The following LRMDA variants were observed in gnomAD, a reference collection of about 807,000 sequenced individuals.
LRMDA encodes the protein leucine-rich melanocyte differentiation-associated protein.
A neutral mutation model predicts 29.8 loss-of-function variants in LRMDA; 18 were observed. That is an observed-to-expected ratio of 0.60 (90% CI 0.42 to 0.90). The LOEUF (loss-of-function observed/expected upper bound fraction) is 0.90. LRMDA is among the 40% of genes least tolerant of loss of function. The probability of loss-of-function intolerance (pLI) is 0.00; values close to 1 mark genes in which losing one functional copy is unlikely to be tolerated. For missense variants in LRMDA, 273 were observed against 273.9 expected, an observed-to-expected ratio of 1.00 and a Z score of 0.02; for synonymous variants, 125 against 109.4, an observed-to-expected ratio of 1.14 and a Z score of -0.89.
At chr10:76,345,134 T>A (rs1170261548) in intron 6 of LRMDA, among the ~76,000 whole-genome samples, 2 of 137,904 alleles carry the variant, frequency 1.5e-5, no homozygotes, top group Non-Finnish European at 3.1e-5. Flanking sequence ...TGGCGCGATC[T>A]CGGCTCGCTG....
chr10:75,479,158 T>C (rs1187672713), intron 2 of LRMDA, among the ~76,000 whole-genome samples: 1 of 151,912 alleles, frequency 6.6e-6, no homozygotes, highest in Non-Finnish European at 1.5e-5. Flanking sequence ...TGCGGCCAAG[T>C]GTATAGTGAG....
intron 6 of LRMDA, among the ~76,000 whole-genome samples, chr10:76,542,189 A>G (rs1417512863): frequency 6.6e-6 from 1 of 152,158 alleles, no homozygotes; most frequent in Non-Finnish European, 1.5e-5. Context: ...CTGGGCTTTT[A>G]GGTGCTGCGG....
chr10:75,740,865 G>A (rs1465882048), intron 2 of LRMDA, among the ~76,000 whole-genome samples: 2 of 152,068 alleles, frequency 1.3e-5, no homozygotes, highest in Non-Finnish European at 2.9e-5. Flanking sequence ...CATAGTAAGA[G>A]TATATTGCAT....
intron 6 of LRMDA, among the ~76,000 whole-genome samples, chr10:76,485,072 T>G (rs897386163): frequency 6.6e-6 from 1 of 151,888 alleles, no homozygotes; most frequent in African/African-American, 2.4e-5. Flanking sequence ...TTGGGTCTTG[T>G]TTTTTATCTG....
Position 76,221,236 on chromosome 10 carries a change from A to T in LRMDA, c.517-103165A>T, listed in dbSNP as rs1208758519. 2.0e-5 allele frequency among the ~76,000 whole-genome samples: 3 copies of T among 151,864 alleles called. No homozygotes were observed. In the East Asian group the frequency reaches 5.8e-4, roughly 29 times the overall value. On this transcript the variant is annotated intron_variant, in intron 5 of 6. Coordinates refer to ENST00000611255, the MANE Select transcript of LRMDA (RefSeq NM_001305581.2). ...CAAGACAGGGATGCCCTCTCTCACC[A>T]CTCCTATTCAACATAGTGTTGGAAG... is the stretch of plus-strand genomic sequence containing the variant.
chr10:76,034,687 C>CA (rs1171461032), intron 2 of LRMDA, among the ~76,000 whole-genome samples: 2 of 152,214 alleles, frequency 1.3e-5, no homozygotes, highest in African/African-American at 4.8e-5. Context: ...AGTTCACACT[C>CA]ACAGCAGATG....
intron 5 of LRMDA, among the ~76,000 whole-genome samples, chr10:76,211,569 A>AT (rs1851634587): frequency 6.6e-6 from 1 of 152,174 alleles, no homozygotes; most frequent in Non-Finnish European, 1.5e-5. Flanking sequence ...TGTACTTTAG[A>AT]TTTTTTACTT....
intron 6 of LRMDA, among the ~76,000 whole-genome samples, chr10:76,442,808 G>A (rs758522091): frequency 5.3e-5 from 8 of 152,094 alleles, no homozygotes; most frequent in South Asian, 2.1e-4. Context: ...GAGCTTCTGC[G>A]ACAAGTCTTA....
intron 6 of LRMDA, among the ~76,000 whole-genome samples, chr10:76,456,653 TA>T (rs759893190): frequency 0.025 from 3,219 of 127,360 alleles, 86 homozygotes; most frequent in African/African-American, 0.074. Context: ...GCACTCTTAT[TA>T]AAAAAAAAAA....
intron 2 of LRMDA, among the ~76,000 whole-genome samples, chr10:75,665,267 GA>G (rs759488030): frequency 7.9e-5 from 12 of 152,288 alleles, no homozygotes; most frequent in Non-Finnish European, 1.6e-4. Context: ...TACAGATGAG[GA>G]AACTGAAGCC....
chr10:75,690,628 T>C (rs527671154), intron 2 of LRMDA, among the ~76,000 whole-genome samples: 1 of 152,232 alleles, frequency 6.6e-6, no homozygotes, highest in Non-Finnish European at 1.5e-5. Context: ...GTCTCCTAAC[T>C]TTCAGTGTTT....
At chr10:75,587,406 A>G (rs1315770207) in intron 2 of LRMDA, among the ~76,000 whole-genome samples, 1 of 152,198 alleles carries the variant, frequency 6.6e-6, no homozygotes, top group Non-Finnish European at 1.5e-5. Context: ...CTTAAAAGAA[A>G]TAATATGCTG....
At chr10:76,258,232 A>G (rs1212558230) in intron 5 of LRMDA, among the ~76,000 whole-genome samples, 2 of 152,248 alleles carry the variant, frequency 1.3e-5, no homozygotes, top group East Asian at 3.9e-4. Context: ...CAGGTATTCA[A>G]GTAACATTGG....
intron 2 of LRMDA, among the ~76,000 whole-genome samples, chr10:75,527,725 T>C (rs887702869): frequency 7.5e-5 from 11 of 147,294 alleles, no homozygotes; most frequent in South Asian, 2.1e-4. Flanking sequence ...ATTAATATAA[T>C]TATATAATAA....
At chr10:76,520,209 A>G (rs1402712330) in intron 6 of LRMDA, among the ~76,000 whole-genome samples, 9 of 151,764 alleles carry the variant, frequency 5.9e-5, no homozygotes, top group African/African-American at 2.2e-4. Context: ...AGTATATATT[A>G]TTTTGTGATA....
intron 5 of LRMDA, among the ~76,000 whole-genome samples, chr10:76,227,975 C>T (rs1169065299): frequency 6.6e-6 from 1 of 151,684 alleles, no homozygotes; most frequent in African/African-American, 2.4e-5. Context: ...CAGAGTTCAA[C>T]CAGTGGGGAC....
intron 6 of LRMDA, among the ~76,000 whole-genome samples, chr10:76,489,409 T>C (rs531664537): frequency 3.9e-5 from 6 of 152,082 alleles, no homozygotes; most frequent in African/African-American, 9.6e-5. Flanking sequence ...TCGCTCTTTT[T>C]TTCTTAATCT....
At chr10:75,635,718 T>C (rs1841383441) in intron 2 of LRMDA, among the ~76,000 whole-genome samples, 1 of 152,172 alleles carries the variant, frequency 6.6e-6, no homozygotes, top group Non-Finnish European at 1.5e-5. Flanking sequence ...CACACTTATT[T>C]TCCTGATTAC....
chr10:76,398,498 A>G (rs189541229), intron 6 of LRMDA, among the ~76,000 whole-genome samples: 14 of 152,324 alleles, frequency 9.2e-5, no homozygotes, highest in Admixed American at 4.6e-4. Context: ...GGGCAATTGT[A>G]AGATTTAAGC....
Sources: gnomAD v4.1 joint callset for allele counts (sites outside exome capture counted in the v4.1 genomes callset) on GRCh38, gnomAD v4.1.1 for gene constraint, MANE v1.5 for transcripts, NCBI Gene and HGNC (gene_info 2026-07-23, HGNC 2026-07-21) for gene names.